Variants in ROBO2 observed in about 807,000 individuals in gnomAD.
ROBO2 encodes roundabout homolog 2.
A neutral mutation model predicts 160.8 loss-of-function variants in ROBO2; 53 were observed. The observed-to-expected ratio is 0.33, with a 90% CI of 0.26 to 0.41. The LOEUF is 0.41. Among genes scored for constraint, ROBO2 ranks in the 10% least tolerant of loss-of-function variants. ROBO2 has a pLI of 1.00. For synonymous variants in ROBO2, 664 were observed against 611.7 expected (o/e 1.09, Z -1.26); for missense variants, 1,577 against 1,722.4 (o/e 0.92, Z 1.49).
chr3:77,483,262 A>G (rs897403644), intron 4 of ROBO2, among the ~76,000 whole-genome samples: 1 of 151,526 alleles, frequency 6.6e-6, no homozygotes, highest in Non-Finnish European at 1.5e-5. Flanking sequence ...CAAATCCAAA[A>G]GAAAAACAAA....
At chr3:76,769,159 TAGATGTGATGATGCTCAA>T (rs1470205268) in intron 2 of ROBO2, among the ~76,000 whole-genome samples, 1 of 151,470 alleles carries the variant, frequency 6.6e-6, no homozygotes, top group African/African-American at 2.4e-5. Context: ...CTTTGTTTGG[TAGATGTGATGATGCTCAA>T]AGTATAGTAA....
chr3:76,444,408 T>G (rs747936928), intron 2 of ROBO2, among the ~76,000 whole-genome samples: 4 of 152,214 alleles, frequency 2.6e-5, no homozygotes, highest in Non-Finnish European at 4.4e-5. Flanking sequence ...TAGTCCATTT[T>G]CATACTGCTA....
At chr3:77,219,033 A>G (rs935486725) in intron 2 of ROBO2, among the ~76,000 whole-genome samples, 7 of 151,826 alleles carry the variant, frequency 4.6e-5, no homozygotes, top group East Asian at 2.0e-4. Context: ...CAGTGGTGCA[A>G]TCTCCGCTCA....
At chr3:77,592,497 C>T (rs2094203421) in intron 17 of ROBO2, among the ~76,000 whole-genome samples, 1 of 152,094 alleles carries the variant, frequency 6.6e-6, no homozygotes, top group East Asian at 1.9e-4. Context: ...AGTGTTCATA[C>T]TCTAACAAGT....
intron 21 of ROBO2, among the ~76,000 whole-genome samples, chr3:77,617,087 C>T (rs2094796502): frequency 6.6e-6 from 1 of 151,638 alleles, no homozygotes; most frequent in Non-Finnish European, 1.5e-5. Context: ...AAGTAAAATT[C>T]TCCAATACTT....
At chr3:76,752,997 T>TTA (rs2060765679) in intron 2 of ROBO2, among the ~76,000 whole-genome samples, 1 of 151,926 alleles carries the variant, frequency 6.6e-6, no homozygotes, top group Non-Finnish European at 1.5e-5. Flanking sequence ...ATGTTAATGT[T>TTA]TATCATTTGG....
At chr3:76,201,320 T>C (rs1702515732) in intron 2 of ROBO2, among the ~76,000 whole-genome samples, 1 of 152,188 alleles carries the variant, frequency 6.6e-6, no homozygotes, top group South Asian at 2.1e-4. Context: ...ACGTTGCCAC[T>C]TCCAGTCTCA....
At chr3:75,954,436 CA>C (rs1352423246) in intron 2 of ROBO2, among the ~76,000 whole-genome samples, 2 of 151,794 alleles carry the variant, frequency 1.3e-5, no homozygotes, top group African/African-American at 4.8e-5. Context: ...CCTCTTTCTC[CA>C]AAAACCACCT....
intron 21 of ROBO2, among the ~76,000 whole-genome samples, chr3:77,614,551 G>T (rs554397040): frequency 4.1e-4 from 63 of 152,198 alleles, no homozygotes; most frequent in Non-Finnish European, 7.1e-4. Flanking sequence ...CTGAAACAGG[G>T]TCTTGCAACT....
At position 77,360,252 on chromosome 3, in the gene ROBO2, ACCC is replaced by A. The variant is rs34393190; in HGVS notation, c.389-117154_389-117152del. On this transcript the variant is annotated intron_variant, in intron 2 of 25. Transcript: ENST00000461745. ...GTTGCAACAGTTAGAATGTAATGCA[ACCC>A]CCCCCCCAAATTTAGAAGCCCAGGA... Among the ~76,000 whole-genome samples, 20 of 143,888 alleles carry A rather than the reference ACCC, an allele frequency of 1.4e-4. 1 individual carries two copies. Among genetic ancestry groups the A allele is most frequent in the African/African-American group, 4.9e-4 (19 of 38,808 alleles). The allele number at this position is 143,888 out of a possible 152,430, so 94.4% of individuals were successfully genotyped here. A position where few individuals can be genotyped will look rare whatever the true frequency, so the allele number is the denominator to read the frequency against.
At position 76,590,246 on chromosome 3, in the gene ROBO2, T is replaced by A. The variant is rs559524862; in HGVS notation, c.110-507768T>A. Among the ~76,000 whole-genome samples the A allele has an allele frequency of 2.0e-5, 3 of 152,296 alleles. No homozygotes were observed. In the South Asian group the frequency reaches 6.2e-4, roughly 32 times the overall value. The stretch of plus-strand genomic sequence containing the variant: ...CAGACAAATGTATGCTAATATTATT[T>A]TAACAAGTAATTTAACTCTGTCTCC... On this transcript the variant is annotated intron_variant, in intron 2 of 26. Transcript: ENST00000487694.
intron 2 of ROBO2, among the ~76,000 whole-genome samples, chr3:76,325,157 A>G (rs535587188): frequency 6.6e-6 from 1 of 152,348 alleles, no homozygotes; most frequent in Admixed American, 6.5e-5. Context: ...AGCCTAACTT[A>G]AAATATTTTT....
intron 2 of ROBO2, among the ~76,000 whole-genome samples, chr3:75,994,546 A>C (rs982403721): frequency 1.3e-5 from 2 of 152,326 alleles, no homozygotes. Context: ...CCCTTTGAAG[A>C]AGTGGCTTCC....
intron 2 of ROBO2, among the ~76,000 whole-genome samples, chr3:77,119,287 C>A (rs2074509693): frequency 6.6e-6 from 1 of 152,100 alleles, no homozygotes; most frequent in South Asian, 2.1e-4. Context: ...CAGACTAATA[C>A]AAAATTGTAA....
intron 2 of ROBO2, among the ~76,000 whole-genome samples, chr3:77,304,838 G>A (rs1354525965): frequency 6.6e-6 from 1 of 152,128 alleles, no homozygotes; most frequent in African/African-American, 2.4e-5. Context: ...GTTCTTTGAG[G>A]GGAGTAAATT....
chr3:76,631,067 C>A (rs546441982), intron 2 of ROBO2, among the ~76,000 whole-genome samples: 1 of 152,152 alleles, frequency 6.6e-6, no homozygotes, highest in African/African-American at 2.4e-5. Flanking sequence ...TCCATTATGA[C>A]TTTAATATCT....
intron 2 of ROBO2, among the ~76,000 whole-genome samples, chr3:75,971,504 A>G (rs913354609): frequency 7.3e-5 from 11 of 151,598 alleles, no homozygotes; most frequent in Admixed American, 5.9e-4. Flanking sequence ...TTCTTCATCT[A>G]TAAAGACAGA....
At chr3:76,178,257 TTCAAGTCCGTATTTCTCACCATG>T (rs2073300215) in intron 2 of ROBO2, among the ~76,000 whole-genome samples, 1 of 152,176 alleles carries the variant, frequency 6.6e-6, no homozygotes, top group East Asian at 1.9e-4. Context: ...AAAGTTACTT[TTCAAGTCCGTATTTCTCACCATG>T]TAGCAGTTTT....
chr3:76,017,255 T>A (rs1454244114), intron 2 of ROBO2, among the ~76,000 whole-genome samples: 1 of 152,176 alleles, frequency 6.6e-6, no homozygotes, highest in African/African-American at 2.4e-5. Flanking sequence ...CCTCTAGTTA[T>A]GCAAAAGACA....
Sources: gnomAD v4.1 joint callset for allele counts (sites outside exome capture counted in the v4.1 genomes callset) on GRCh38, gnomAD v4.1.1 for gene constraint, MANE v1.5 for transcripts, NCBI Gene and HGNC (gene_info 2026-07-23, HGNC 2026-07-21) for gene names.